NCK2: variants seen among roughly 807,000 people sequenced by gnomAD.
The protein encoded by NCK2 is cytoplasmic protein NCK2.
Under a neutral mutation model 33.9 loss-of-function variants are expected in NCK2, and 16 were observed. The observed-to-expected ratio is 0.47, with a 90% CI of 0.32 to 0.72. NCK2 has a LOEUF of 0.72. Among genes scored for constraint, NCK2 ranks in the 30% least tolerant of loss-of-function variants. NCK2 has a pLI of 0.03. For synonymous variants in NCK2, 273 were observed against 239.9 expected, an observed-to-expected ratio of 1.14 and a Z score of -1.27; for missense variants, 418 against 537.3, an observed-to-expected ratio of 0.78 and a Z score of 2.19.
At chr2:105,783,095 A>C (rs375912698) in intron 1 of NCK2, among the ~76,000 whole-genome samples, 1 of 152,224 alleles carries the variant, frequency 6.6e-6, no homozygotes, top group Admixed American at 6.5e-5. Context: ...CCTTAGAATA[A>C]GAGTTGCAGA....
At chr2:105,810,297 G>A (rs1675239508) in intron 1 of NCK2, among the ~76,000 whole-genome samples, 1 of 151,894 alleles carries the variant, frequency 6.6e-6, no homozygotes, top group African/African-American at 2.4e-5. Flanking sequence ...GATGCTATTT[G>A]AAAAAAACAA....
chr2:105,860,691 A>C (rs1472151192), intron 3 of NCK2, among the ~76,000 whole-genome samples: 1 of 151,956 alleles, frequency 6.6e-6, no homozygotes, highest in Non-Finnish European at 1.5e-5. Flanking sequence ...ATTGGGGATG[A>C]AGAAACGTGG....
intron 1 of NCK2, among the ~76,000 whole-genome samples, chr2:105,786,087 CTCTA>C (rs1419714628): frequency 6.6e-6 from 1 of 152,096 alleles, no homozygotes; most frequent in Non-Finnish European, 1.5e-5. Context: ...CTGCACATCT[CTCTA>C]TCAGTTAATT....
intron 3 of NCK2, among the ~76,000 whole-genome samples, chr2:105,873,905 G>C (rs1242864111): frequency 1.3e-5 from 2 of 152,142 alleles, no homozygotes; most frequent in Non-Finnish European, 2.9e-5. Context: ...CCTAGGGACG[G>C]TATTTCCCCC....
intron 4 of NCK2, among the ~76,000 whole-genome samples, chr2:105,885,439 A>T (rs1350369786): frequency 2.6e-5 from 4 of 152,218 alleles, no homozygotes; most frequent in African/African-American, 7.2e-5. Flanking sequence ...CTGTATTTTT[A>T]AAGTTATAAT....
chr2:105,780,512 G>A (rs1690457824), intron 1 of NCK2, among the ~76,000 whole-genome samples: 1 of 152,174 alleles, frequency 6.6e-6, no homozygotes, highest in Non-Finnish European at 1.5e-5. Flanking sequence ...TGAATAAAGT[G>A]ATAACCACAT....
rs1689558187 is a variant in NCK2, at chr2:105,754,918, GA to G, written c.-201+9781del. On this transcript the variant is annotated intron_variant, in intron 1 of 4. Coordinates refer to ENST00000233154, the MANE Select transcript of NCK2 (RefSeq NM_003581.5). ...ATCTAGCAAGATGGTTATAGAAACAGATTTTTTTTTTCCAGCCATTTCCATT... is the reference window on the plus strand; with the variant it reads ...ATCTAGCAAGATGGTTATAGAAACAGTTTTTTTTTTCCAGCCATTTCCATT... 2.6e-5 allele frequency among the ~76,000 whole-genome samples: 4 copies of G among 152,072 alleles called. No homozygotes were observed. The South Asian group carries it at 8.3e-4, about 32-fold the overall frequency.
chr2:105,834,687 A>G (rs1676322749), intron 2 of NCK2, among the ~76,000 whole-genome samples: 1 of 151,518 alleles, frequency 6.6e-6, no homozygotes, highest in South Asian at 2.1e-4. Context: ...ATTTTTTTAG[A>G]GACAAGGTCT....
intron 1 of NCK2, among the ~76,000 whole-genome samples, chr2:105,807,699 TTTC>T (rs745313669): frequency 6.7e-6 from 1 of 148,298 alleles, no homozygotes; most frequent in South Asian, 2.2e-4. Flanking sequence ...TTTTTTCTCT[TTTC>T]TTTTTTCCTT....
At chr2:105,872,445 C>A (rs1014977428) in intron 3 of NCK2, among the ~76,000 whole-genome samples, 3 of 152,134 alleles carry the variant, frequency 2.0e-5, no homozygotes, top group Non-Finnish European at 2.9e-5. Flanking sequence ...CCGTGTCCTG[C>A]GGGACCGAAA....
At chr2:105,785,974 G>GT (rs1330137261) in intron 1 of NCK2, among the ~76,000 whole-genome samples, 3 of 152,264 alleles carry the variant, frequency 2.0e-5, no homozygotes, top group African/African-American at 7.2e-5. Context: ...CCTTTTGCCT[G>GT]TTTTTTGTGT....
At chr2:105,861,446 C>T (rs1004313164) in intron 3 of NCK2, among the ~76,000 whole-genome samples, 43 of 151,790 alleles carry the variant, frequency 2.8e-4, no homozygotes, top group African/African-American at 9.7e-4. Flanking sequence ...GGAGCCAAGT[C>T]GCTTTCCTTC....
rs568095715 is a variant in NCK2, at chr2:105,842,734, G to T, written c.-16-12314G>T. 2.6e-5 allele frequency among the ~76,000 whole-genome samples: 4 copies of T among 152,328 alleles called. No individual in the cohort carries two copies. In the South Asian group the frequency reaches 8.3e-4, roughly 32 times the overall value. ...TGAAGTACTCACAGCAAAGACTGCA[G>T]GTGGGCTCTGGGAGGCCTGACTGGG... On this transcript the variant is annotated intron_variant, in intron 2 of 4. Transcript: ENST00000233154.
At chr2:105,890,758 CCT>C (rs1394749816) in intron 4 of NCK2, among the ~76,000 whole-genome samples, 5 of 152,354 alleles carry the variant, frequency 3.3e-5, no homozygotes, top group Middle Eastern at 3.4e-3. Context: ...CACTCATTCC[CCT>C]GAGTTGTCAT....
chr2:105,842,220 G>A (rs1676675762), intron 2 of NCK2, among the ~76,000 whole-genome samples: 1 of 152,058 alleles, frequency 6.6e-6, no homozygotes, highest in Admixed American at 6.5e-5. Context: ...CAAGTAGCTA[G>A]GATTAAAGGA....
chr2:105,821,218 A>G (rs943731520), intron 2 of NCK2, among the ~76,000 whole-genome samples: 3 of 152,148 alleles, frequency 2.0e-5, no homozygotes, highest in Non-Finnish European at 4.4e-5. Flanking sequence ...GTTGTTTGGT[A>G]TTTTGGAGAT....
At chr2:105,786,219 A>G (rs1402384496) in intron 1 of NCK2, among the ~76,000 whole-genome samples, 2 of 152,260 alleles carry the variant, frequency 1.3e-5, no homozygotes, top group African/African-American at 2.4e-5. Flanking sequence ...TGAAAAAATT[A>G]TGTGTACAAA....
Position 105,751,567 on chromosome 2 carries a change from A to G in NCK2, c.-201+6429A>G, listed in dbSNP as rs77365178. ...CCATATACACACATGCTGAGCTACA[A>G]GTCATCTGTGGCCACCCACTGATGG... On this transcript the variant is annotated intron_variant, in intron 1 of 4. Coordinates refer to ENST00000233154, the MANE Select transcript of NCK2 (RefSeq NM_003581.5). 2.4e-3 allele frequency among the ~76,000 whole-genome samples: 370 copies of G among 152,294 alleles called. 12 individuals carry two copies. In the East Asian group the frequency reaches 0.047, roughly 19 times the overall value.
At chr2:105,831,667 T>G (rs1250778972) in intron 2 of NCK2, among the ~76,000 whole-genome samples, 2 of 152,172 alleles carry the variant, frequency 1.3e-5, no homozygotes, top group African/African-American at 4.8e-5. Context: ...CCCTAATCTA[T>G]GTTCTTGACA....
Sources: allele counts gnomAD v4.1 joint callset (sites outside exome capture counted in the v4.1 genomes callset), GRCh38; gene constraint gnomAD v4.1.1; transcripts MANE v1.5; gene names NCBI Gene and HGNC (gene_info 2026-07-23, HGNC 2026-07-21).